The following LHFPL3 variants were observed in gnomAD, a reference collection of about 807,000 sequenced individuals.
LHFPL3 encodes LHFPL tetraspan subfamily member 3 protein.
Under a neutral mutation model 19.3 loss-of-function variants are expected in LHFPL3, and 5 were observed. That is an observed-to-expected ratio of 0.26 (90% CI 0.14 to 0.54). LHFPL3 has a LOEUF of 0.54. Among genes scored for constraint, LHFPL3 ranks in the 20% least tolerant of loss-of-function variants. The pLI, the probability that LHFPL3 is intolerant of heterozygous loss-of-function variation, is 0.94. For synonymous variants in LHFPL3, 133 were observed against 126.2 expected, an observed-to-expected ratio of 1.05 and a Z score of -0.36; for missense variants, 249 against 307.4, an observed-to-expected ratio of 0.81 and a Z score of 1.42.
chr7:104,642,525 G>A (rs1791856584), intron 1 of LHFPL3, among the ~76,000 whole-genome samples: 1 of 152,082 alleles, frequency 6.6e-6, no homozygotes, highest in South Asian at 2.1e-4. Context: ...GAAAATTTTT[G>A]TTTACTTCCC....
intron 1 of LHFPL3, among the ~76,000 whole-genome samples, chr7:104,576,485 C>A (rs924478125): frequency 1.8e-4 from 27 of 152,242 alleles, no homozygotes; most frequent in Non-Finnish European, 5.9e-5. Flanking sequence ...CCTCAAAACC[C>A]CTTCAAGCCA....
intron 2 of LHFPL3, among the ~76,000 whole-genome samples, chr7:104,818,184 A>G (rs1271352303): frequency 6.6e-6 from 1 of 152,186 alleles, no homozygotes; most frequent in Non-Finnish European, 1.5e-5. Context: ...GCTTCAGAGA[A>G]ATATGGTGGT....
chr7:104,557,460 G>C (rs1005872214), intron 1 of LHFPL3, among the ~76,000 whole-genome samples: 1 of 152,014 alleles, frequency 6.6e-6, no homozygotes, highest in African/African-American at 2.4e-5. Context: ...TCACTATCAT[G>C]AGAACATGAG....
At chr7:104,771,529 T>C (rs4236575) in intron 2 of LHFPL3, among the ~76,000 whole-genome samples, 122,707 of 152,000 alleles carry the variant, frequency 0.81, 49,657 homozygotes, top group East Asian at 0.88. Context: ...TACAGGTTTT[T>C]GGAAATATAT....
intron 2 of LHFPL3, among the ~76,000 whole-genome samples, chr7:104,877,242 G>A (rs571555339): frequency 2.8e-4 from 43 of 151,918 alleles, no homozygotes; most frequent in Non-Finnish European, 5.1e-4. Context: ...AAACCTGCAC[G>A]TTGTGCACAT....
At chr7:104,552,113 C>G (rs1794672152) in intron 1 of LHFPL3, among the ~76,000 whole-genome samples, 2 of 152,184 alleles carry the variant, frequency 1.3e-5, no homozygotes, top group Admixed American at 1.3e-4. Flanking sequence ...ATTTCCTAAT[C>G]TGTAAAACCC....
At chr7:104,493,903 T>A (rs1053759932) in intron 1 of LHFPL3, among the ~76,000 whole-genome samples, 3 of 152,170 alleles carry the variant, frequency 2.0e-5, no homozygotes, top group African/African-American at 7.2e-5. Flanking sequence ...CTAGTCCCAC[T>A]TGAGATGTGC....
chr7:104,864,365 CA>C (rs34785081), intron 2 of LHFPL3, among the ~76,000 whole-genome samples: 55,830 of 148,906 alleles, frequency 0.37, 12,629 homozygotes, highest in African/African-American at 0.61. Context: ...CTTTCCTAGT[CA>C]AAAAAAAAAG....
At chr7:104,538,541 A>T (rs1461684426) in intron 1 of LHFPL3, among the ~76,000 whole-genome samples, 1 of 152,216 alleles carries the variant, frequency 6.6e-6, no homozygotes, top group Non-Finnish European at 1.5e-5. Flanking sequence ...CAGGGTGGCC[A>T]TCCACTACAC....
At chr7:104,885,628 C>T (rs1354345713) in intron 2 of LHFPL3, among the ~76,000 whole-genome samples, 1 of 152,096 alleles carries the variant, frequency 6.6e-6, no homozygotes, top group Non-Finnish European at 1.5e-5. Flanking sequence ...TTCAACCACT[C>T]CCAGCCTGGT....
chr7:104,646,445 T>C (rs2193199), intron 1 of LHFPL3, among the ~76,000 whole-genome samples: 148,305 of 152,272 alleles, frequency 0.97, 72,318 homozygotes, highest in East Asian at 1. Flanking sequence ...ATTATGATTC[T>C]GAGCTTTATT....
intron 1 of LHFPL3, among the ~76,000 whole-genome samples, chr7:104,717,312 C>T (rs1320453706): frequency 2.0e-5 from 3 of 152,062 alleles, no homozygotes; most frequent in East Asian, 1.9e-4. Flanking sequence ...AATGGGACTA[C>T]ATCAAACTAA....
intron 1 of LHFPL3, among the ~76,000 whole-genome samples, chr7:104,343,772 A>G (rs4729993): frequency 0.55 from 82,820 of 151,316 alleles, 23,488 homozygotes; most frequent in East Asian, 0.71. Flanking sequence ...ATACTAAAAC[A>G]ACCATTTGTG....
chr7:104,541,014 C>A (rs1023267767), intron 1 of LHFPL3, among the ~76,000 whole-genome samples: 2 of 151,892 alleles, frequency 1.3e-5, no homozygotes, highest in African/African-American at 4.8e-5. Flanking sequence ...TATCACTTTT[C>A]TGCTTAAAGC....
At chr7:104,451,138 T>C (rs1277341947) in intron 1 of LHFPL3, among the ~76,000 whole-genome samples, 1 of 152,134 alleles carries the variant, frequency 6.6e-6, no homozygotes, top group African/African-American at 2.4e-5. Flanking sequence ...AAACTATAGA[T>C]GTAGATTTTT....
chr7:104,393,480 G>A (rs1316554622), intron 1 of LHFPL3, among the ~76,000 whole-genome samples: 3 of 152,168 alleles, frequency 2.0e-5, no homozygotes, highest in Non-Finnish European at 4.4e-5. Context: ...CACTTTGGGA[G>A]GCCAAGGTGG....
At chr7:104,426,074 T>C (rs958571006) in intron 1 of LHFPL3, among the ~76,000 whole-genome samples, 1 of 152,212 alleles carries the variant, frequency 6.6e-6, no homozygotes, top group African/African-American at 2.4e-5. Context: ...AATGTTCCCG[T>C]TCCCCCACAG....
intron 1 of LHFPL3, among the ~76,000 whole-genome samples, chr7:104,339,750 C>A (rs1789909534): frequency 6.6e-6 from 1 of 152,206 alleles, no homozygotes; most frequent in South Asian, 2.1e-4. Flanking sequence ...AGCCGTCATA[C>A]CATCCTTTTC....
chr7:104,439,383 G>GAA (rs34687716), intron 1 of LHFPL3, among the ~76,000 whole-genome samples: 1 of 151,790 alleles, frequency 6.6e-6, no homozygotes, highest in South Asian at 2.1e-4. Flanking sequence ...CATAAACATA[G>GAA]AAAAAAATCC....
Sources: gnomAD v4.1 joint callset for allele counts (sites outside exome capture counted in the v4.1 genomes callset) on GRCh38, gnomAD v4.1.1 for gene constraint, MANE v1.5 for transcripts, NCBI Gene and HGNC (gene_info 2026-07-23, HGNC 2026-07-21) for gene names.